KHDRBS2: variants seen among roughly 807,000 people sequenced by gnomAD.
KHDRBS2 encodes KH domain-containing, RNA-binding, signal transduction-associated protein 2.
Under a neutral mutation model 44.3 loss-of-function variants are expected in KHDRBS2, and 26 were observed. The observed-to-expected ratio is 0.59, with a 90% CI of 0.43 to 0.81. The LOEUF (loss-of-function observed/expected upper bound fraction) is 0.81. KHDRBS2 is among the 40% of genes least tolerant of loss of function. The pLI is 0.00. For missense variants in KHDRBS2, 476 were observed against 433.1 expected (o/e 1.10, Z -0.88); for synonymous variants, 194 against 151.1 (o/e 1.28, Z -2.08).
intron 6 of KHDRBS2, among the ~76,000 whole-genome samples, chr6:61,795,528 T>C (rs570375906): frequency 6.6e-6 from 1 of 152,258 alleles, no homozygotes; most frequent in South Asian, 2.1e-4. Context: ...GCCACTGATA[T>C]AAATTATATT....
chr6:61,725,647 C>A (rs62426171), intron 7 of KHDRBS2, among the ~76,000 whole-genome samples: 57,813 of 151,954 alleles, frequency 0.38, 12,040 homozygotes, highest in African/African-American at 0.56. Context: ...AAACGACCAT[C>A]AGAGAATACT....
At chr6:62,224,643 C>A (rs1488066173) in intron 1 of KHDRBS2, among the ~76,000 whole-genome samples, 3 of 152,060 alleles carry the variant, frequency 2.0e-5, no homozygotes, top group African/African-American at 7.2e-5. Flanking sequence ...AGAATTTCTC[C>A]TATGTAATAT....
intron 3 of KHDRBS2, among the ~76,000 whole-genome samples, chr6:62,014,953 G>T (rs1223222022): frequency 6.6e-6 from 1 of 152,000 alleles, no homozygotes. Context: ...CCTAGCTTTG[G>T]TTTTCTTATG....
the KHDRBS2 span, among the ~76,000 whole-genome samples, chr6:61,617,637 A>AT: frequency 0.25 from 37,729 of 151,950 alleles, 5,590 homozygotes; most frequent in African/African-American, 0.42. Context: ...AAAAAGACTG[A>AT]TTTTTTTTAT....
the KHDRBS2 span, among the ~76,000 whole-genome samples, chr6:61,547,264 A>G: frequency 6.6e-6 from 1 of 152,156 alleles, no homozygotes; most frequent in South Asian, 2.1e-4. Context: ...CTTGGAGGAT[A>G]GGTTTGAGAA....
intron 3 of KHDRBS2, among the ~76,000 whole-genome samples, chr6:62,003,811 ACTCT>A (rs892318999): frequency 6.6e-6 from 1 of 152,056 alleles, no homozygotes; most frequent in Non-Finnish European, 1.5e-5. Context: ...ATCACAACAA[ACTCT>A]CTCTCAGACC....
chr6:62,029,498 G>A (rs1233692833), intron 3 of KHDRBS2, among the ~76,000 whole-genome samples: 2 of 151,820 alleles, frequency 1.3e-5, no homozygotes, highest in African/African-American at 4.8e-5. Flanking sequence ...TTATGAATAA[G>A]TAACATTATC....
At chr6:61,589,092 G>T in the KHDRBS2 span, among the ~76,000 whole-genome samples, 2 of 152,166 alleles carry the variant, frequency 1.3e-5, no homozygotes, top group South Asian at 2.1e-4. Flanking sequence ...GGGGCAAAGG[G>T]AAGGAGAGCA....
rs79542929 is a variant in KHDRBS2, at chr6:61,715,418, C to T, written c.893+17264G>A. Among the ~76,000 whole-genome samples the T allele has an allele frequency of 3.2e-3, 492 of 151,956 alleles. 6 individuals are homozygous for T. The highest frequency in any genetic ancestry group is 0.011 in the African/African-American group (474 of 41,498). On this transcript the variant is annotated intron_variant, in intron 7 of 8. Coordinates refer to ENST00000281156, the MANE Select transcript of KHDRBS2 (RefSeq NM_152688.4). Reference sequence around the variant, plus strand: ...TTAGGCTTTCTTGTTTCCTTCCTATCGCCTCAGCTATATGCCCCAACACTT... The same window carrying T: ...TTAGGCTTTCTTGTTTCCTTCCTATTGCCTCAGCTATATGCCCCAACACTT...
chr6:62,175,011 G>A (rs1563003242), intron 2 of KHDRBS2, among the ~76,000 whole-genome samples: 1 of 151,084 alleles, frequency 6.6e-6, no homozygotes, highest in African/African-American at 2.4e-5. Flanking sequence ...TGAACAGCAG[G>A]AAAAAAATCA....
intron 1 of KHDRBS2, among the ~76,000 whole-genome samples, chr6:62,193,980 T>C (rs1442195504): frequency 6.6e-6 from 1 of 152,180 alleles, no homozygotes; most frequent in Non-Finnish European, 1.5e-5. Flanking sequence ...TAAGAGCCCC[T>C]TATCAGAAAA....
intron 3 of KHDRBS2, among the ~76,000 whole-genome samples, chr6:62,000,648 G>A (rs890814843): frequency 4.6e-5 from 7 of 152,012 alleles, no homozygotes; most frequent in Non-Finnish European, 7.4e-5. Context: ...AAAAGATGCC[G>A]GAGGTTTCAG....
intron 3 of KHDRBS2, among the ~76,000 whole-genome samples, chr6:61,984,500 G>A (rs1774638257): frequency 6.6e-6 from 1 of 152,040 alleles, no homozygotes; most frequent in South Asian, 2.1e-4. Flanking sequence ...TAATCTTACT[G>A]AAACAGAGAT....
Position 62,285,972 on chromosome 6 carries a change from G to T in KHDRBS2, c.-24C>A, listed in dbSNP as rs369236757. 6.7e-7 allele frequency: 1 copy of T among 1,496,676 alleles called. No individual in the cohort carries two copies. Among genetic ancestry groups the T allele is most frequent in the South Asian group, 1.1e-5 (1 of 87,802 alleles). The allele number at this position is 1,496,676 out of a possible 1,614,324, so 92.7% of individuals were successfully genotyped here. On this transcript the variant is annotated 5_prime_UTR_variant, in exon 1 of 9. Coordinates refer to ENST00000281156, the MANE Select transcript of KHDRBS2 (RefSeq NM_152688.4). ...ATAGCGCGGACTTCGGATTGTCCCC[G>T]GGCGAAGCGCGAGGTTCCGCTCGCT... is the stretch of plus-strand genomic sequence containing the variant.
At chr6:61,613,292 C>T in the KHDRBS2 span, among the ~76,000 whole-genome samples, 2 of 152,330 alleles carry the variant, frequency 1.3e-5, no homozygotes, top group East Asian at 1.9e-4. Flanking sequence ...CTGGCACTTA[C>T]TAGTTGCTCA....
intron 8 of KHDRBS2, among the ~76,000 whole-genome samples, chr6:61,685,655 C>G (rs1483534011): frequency 6.6e-6 from 1 of 151,700 alleles, no homozygotes; most frequent in African/African-American, 2.4e-5. Flanking sequence ...GAACATTTGA[C>G]TGTGATAGAA....
At chr6:61,917,454 A>T (rs1807227830) in intron 4 of KHDRBS2, among the ~76,000 whole-genome samples, 2 of 151,978 alleles carry the variant, frequency 1.3e-5, no homozygotes, top group South Asian at 2.1e-4. Context: ...AAAATTACAG[A>T]GACAATAATG....
chr6:61,727,192 A>C (rs946097750), intron 7 of KHDRBS2, among the ~76,000 whole-genome samples: 2 of 152,234 alleles, frequency 1.3e-5, no homozygotes, highest in African/African-American at 4.8e-5. Flanking sequence ...AGGGTTACCT[A>C]CTTAATAAAT....
chr6:61,701,176 A>T (rs1212347006), intron 7 of KHDRBS2, among the ~76,000 whole-genome samples: 1 of 151,948 alleles, frequency 6.6e-6, no homozygotes, highest in Non-Finnish European at 1.5e-5. Flanking sequence ...AATGTTGAAC[A>T]AAGCCCAACT....
Sources: allele counts gnomAD v4.1 joint callset (sites outside exome capture counted in the v4.1 genomes callset), GRCh38; gene constraint gnomAD v4.1.1; transcripts MANE v1.5; gene names NCBI Gene and HGNC (gene_info 2026-07-23, HGNC 2026-07-21).